BMPR1B: variants seen among roughly 807,000 people sequenced by gnomAD.
The protein encoded by BMPR1B is bone morphogenetic protein receptor type 1B.
A neutral mutation model predicts 59.1 loss-of-function variants in BMPR1B; 12 were observed. The ratio of observed to expected loss-of-function variants is 0.20; its 90% confidence interval spans 0.13 to 0.33. The LOEUF (loss-of-function observed/expected upper bound fraction) is 0.33, where lower values mean the gene tolerates loss of function less well. BMPR1B is among the 10% of genes least tolerant of loss of function. The pLI, the probability that BMPR1B is intolerant of heterozygous loss-of-function variation, is 1.00. For synonymous variants in BMPR1B, 237 were observed against 207.3 expected (o/e 1.14, Z -1.23); for missense variants, 550 against 610.9 (o/e 0.90, Z 1.05).
intron 2 of BMPR1B, among the ~76,000 whole-genome samples, chr4:94,981,003 A>ACGCGCGCGTACGCACGCGCG (rs141994255): frequency 2.2e-5 from 2 of 90,844 alleles, no homozygotes; most frequent in African/African-American, 7.0e-5. Flanking sequence ...ACACACACAC[A>ACGCGCGCGTACGCACGCGCG]CACACACACA....
At chr4:94,896,774 TG>T (rs767430236) in intron 2 of BMPR1B, among the ~76,000 whole-genome samples, 8 of 152,144 alleles carry the variant, frequency 5.3e-5, no homozygotes, top group Non-Finnish European at 1.0e-4. Context: ...TTAGAATATG[TG>T]ACTATTTTAG....
chr4:95,031,172 GAT>G (rs941444412), intron 3 of BMPR1B, among the ~76,000 whole-genome samples: 21 of 152,200 alleles, frequency 1.4e-4, no homozygotes, highest in African/African-American at 5.1e-4. Flanking sequence ...CCAAAACAGA[GAT>G]AGAGAACAGA....
chr4:94,763,142 T>G (rs1721842942), intron 1 of BMPR1B, among the ~76,000 whole-genome samples: 1 of 151,880 alleles, frequency 6.6e-6, no homozygotes, highest in Admixed American at 6.6e-5. Context: ...AAAAGCAGAG[T>G]GGTGAGCATC....
At chr4:95,139,738 C>CGCGGGATA (rs897814621) in intron 10 of BMPR1B, among the ~76,000 whole-genome samples, 4 of 152,140 alleles carry the variant, frequency 2.6e-5, no homozygotes, top group Non-Finnish European at 5.9e-5. Context: ...CGGAGCCATG[C>CGCGGGATA]GCGGGATATA....
At chr4:94,894,971 T>A (rs1727531144) in intron 2 of BMPR1B, among the ~76,000 whole-genome samples, 1 of 152,002 alleles carries the variant, frequency 6.6e-6, no homozygotes, top group Non-Finnish European at 1.5e-5. Context: ...CTCTGAGTAT[T>A]AGGCAGAAAA....
chr4:94,791,361 C>T (rs1578647584), intron 1 of BMPR1B, among the ~76,000 whole-genome samples: 1 of 152,080 alleles, frequency 6.6e-6, no homozygotes, highest in East Asian at 1.9e-4. Flanking sequence ...TTGTTATTTC[C>T]ATGGAGCCTG....
intron 10 of BMPR1B, among the ~76,000 whole-genome samples, chr4:95,139,932 G>C (rs934871733): frequency 3.9e-5 from 6 of 152,160 alleles, no homozygotes; most frequent in African/African-American, 1.2e-4. Context: ...TGTGTGGGCT[G>C]CACCCACTGT....
chr4:94,947,017 A>G (rs1303005350), intron 2 of BMPR1B, among the ~76,000 whole-genome samples: 3 of 152,130 alleles, frequency 2.0e-5, no homozygotes, highest in African/African-American at 7.2e-5. Context: ...ACTCTGCTGC[A>G]CTCCAACCTG....
At position 94,876,846 on chromosome 4, in the gene BMPR1B, C is replaced by CT. The variant is rs753545579; in HGVS notation, c.-113+947dup. On this transcript the variant is annotated intron_variant, in intron 2 of 12. Transcript: ENST00000515059. Reference sequence around the variant, plus strand: ...GGGTTTGACTTTACTCCAGTGAACTCTATCAGAAATTTTTTATACTTTAAA... The same window carrying CT: ...GGGTTTGACTTTACTCCAGTGAACTCTTATCAGAAATTTTTTATACTTTAAA... Among the ~76,000 whole-genome samples the CT allele has an allele frequency of 1.9e-3, 295 of 152,258 alleles. 2 individuals carry two copies. The highest frequency in any genetic ancestry group is 2.8e-3 in the Non-Finnish European group (190 of 68,028).
intron 3 of BMPR1B, among the ~76,000 whole-genome samples, chr4:95,063,982 A>G (rs1727609442): frequency 1.3e-5 from 2 of 152,168 alleles, no homozygotes; most frequent in Admixed American, 1.3e-4. Context: ...GCAGTTTTAG[A>G]TTACCAAGGT....
At chr4:94,781,867 C>A (rs1038551519) in intron 1 of BMPR1B, among the ~76,000 whole-genome samples, 1 of 152,070 alleles carries the variant, frequency 6.6e-6, no homozygotes, top group Admixed American at 6.5e-5. Context: ...ACCGGTTAAC[C>A]TCATTGCAGT....
chr4:94,882,137 T>A (rs971185328), intron 2 of BMPR1B, among the ~76,000 whole-genome samples: 3 of 151,248 alleles, frequency 2.0e-5, no homozygotes, highest in Non-Finnish European at 4.4e-5. Context: ...TGTTTTTTTC[T>A]TTTTTTTTCC....
intron 3 of BMPR1B, among the ~76,000 whole-genome samples, chr4:95,102,816 G>A (rs562731595): frequency 9.4e-4 from 143 of 152,174 alleles, no homozygotes; most frequent in South Asian, 1.9e-3. Context: ...TGTGTGGTTG[G>A]ATTACATATT....
At chr4:94,780,122 G>T (rs2110585213) in intron 1 of BMPR1B, among the ~76,000 whole-genome samples, 1 of 152,096 alleles carries the variant, frequency 6.6e-6, no homozygotes, top group African/African-American at 2.4e-5. Flanking sequence ...TCTCATTTAG[G>T]ATTCTTGCAT....
At chr4:95,040,199 T>C (rs1181734087) in intron 3 of BMPR1B, among the ~76,000 whole-genome samples, 1 of 152,206 alleles carries the variant, frequency 6.6e-6, no homozygotes, top group Non-Finnish European at 1.5e-5. Context: ...TTCTTATATT[T>C]AGATATTTTC....
chr4:95,012,314 T>C (rs1723280594), intron 3 of BMPR1B, among the ~76,000 whole-genome samples: 1 of 152,164 alleles, frequency 6.6e-6, no homozygotes, highest in South Asian at 2.1e-4. Flanking sequence ...CAATACCTAT[T>C]AGACAATTAA....
chr4:95,005,543 C>G (rs773397836), intron 3 of BMPR1B, among the ~76,000 whole-genome samples: 5 of 152,136 alleles, frequency 3.3e-5, no homozygotes, highest in Non-Finnish European at 7.4e-5. Context: ...TCACTCCCCT[C>G]TGTGTTTCCC....
chr4:94,807,730 G>A (rs965447233), intron 1 of BMPR1B, among the ~76,000 whole-genome samples: 2 of 152,160 alleles, frequency 1.3e-5, no homozygotes, highest in African/African-American at 4.8e-5. Flanking sequence ...TGTCGCCCAG[G>A]CTGGAGTGCA....
Position 95,156,778 on chromosome 4 carries a change from T to G in BMPR1B, c.*2105T>G, listed in dbSNP as rs1042497205. On this transcript the variant is annotated 3_prime_UTR_variant, in exon 13 of 13. Coordinates refer to ENST00000515059, the MANE Select transcript of BMPR1B (RefSeq NM_001203.3). ...ATAATAATGTAAAGGTTCCTTTCTC[T>G]TGTGTCAGTTATATTCTTAGGGATA... is the stretch of plus-strand genomic sequence containing the variant. The G allele has an allele frequency of 6.6e-6, 1 of 152,190 alleles. No individual in the cohort carries two copies. Among genetic ancestry groups the G allele is most frequent in the Non-Finnish European group, 1.5e-5 (1 of 68,004 alleles). 9.4% of individuals were successfully genotyped at this position (152,190 alleles called of 1,614,324 possible).
Sources: allele counts gnomAD v4.1 joint callset (sites outside exome capture counted in the v4.1 genomes callset), GRCh38; gene constraint gnomAD v4.1.1; transcripts MANE v1.5; gene names NCBI Gene and HGNC (gene_info 2026-07-23, HGNC 2026-07-21).